The following TRIM36 variants were observed in gnomAD, a reference collection of about 807,000 sequenced individuals.
The protein encoded by TRIM36 is tripartite motif containing 36, also known as E3 ubiquitin-protein ligase TRIM36.
In TRIM36, 42 loss-of-function variants were observed where a neutral mutation model predicts 72.4. The observed-to-expected ratio is 0.58, with a 90% CI of 0.45 to 0.75. TRIM36 has a LOEUF of 0.75. TRIM36 is among the 30% of genes least tolerant of loss of function. The pLI is 0.00. For missense variants in TRIM36, 913 were observed against 857.1 expected, an observed-to-expected ratio of 1.07 and a Z score of -0.81; for synonymous variants, 315 against 282.8, an observed-to-expected ratio of 1.11 and a Z score of -1.14.
intron 1 of TRIM36, among the ~76,000 whole-genome samples, chr5:115,178,363 G>C (rs916949701): frequency 1.3e-5 from 2 of 152,122 alleles, no homozygotes; most frequent in African/African-American, 4.8e-5. Context: ...TTCCCAAATA[G>C]ATGCCCCTGT....
chr5:115,175,327 G>A (rs1222274954), intron 1 of TRIM36, among the ~76,000 whole-genome samples: 1 of 152,140 alleles, frequency 6.6e-6, no homozygotes, highest in Non-Finnish European at 1.5e-5. Context: ...GAGGGCCTAT[G>A]ATGTGTCGAT....
intron 5 of TRIM36, among the ~76,000 whole-genome samples, chr5:115,139,566 G>T (rs1276141132): frequency 6.6e-6 from 1 of 152,146 alleles, no homozygotes; most frequent in Non-Finnish European, 1.5e-5. Flanking sequence ...TAAAAGAGAA[G>T]GAGCAGAAGG....
chr5:115,171,200 T>G, upstream of TRIM36: 1 of 1,614,218 alleles, frequency 6.2e-7, no homozygotes, highest in Non-Finnish European at 8.5e-7. Context: ...TCTGCAGCGG[T>G]AGCCTCGTCT....
Position 115,180,017 on chromosome 5 carries a change from C to T in TRIM36, c.21G>A (p.Met7Ile), listed in dbSNP as rs545594818. 28 of 1,614,144 alleles carry T rather than the reference C, an allele frequency of 1.7e-5. No homozygotes were observed. The South Asian group carries it at 2.6e-4, about 15-fold the overall frequency. Reference sequence around the variant, plus strand: ...ATTCCATGATGTAGCCAAATTCACTCATCTCCCCAGACTCCGACATGTTTA... The same window carrying T: ...ATTCCATGATGTAGCCAAATTCACTTATCTCCCCAGACTCCGACATGTTTA... Residue 7 changes from methionine (M) to isoleucine (I), a missense_variant, in exon 1 of 10, where the codon ATG (methionine) becomes ATA (isoleucine). Met to Ile is a conservative substitution (Grantham distance 10, BLOSUM62 1). Coordinates refer to the TRIM36 transcript ENST00000282369.
intron 3 of TRIM36, among the ~76,000 whole-genome samples, chr5:115,145,363 CAAAT>C (rs1466504914): frequency 5.3e-5 from 8 of 151,990 alleles, no homozygotes; most frequent in Non-Finnish European, 7.4e-5. Context: ...TAAAAGCTAT[CAAAT>C]AACATAAAAT....
chr5:115,129,458 T>C (rs1431542891), intron 9 of TRIM36, among the ~76,000 whole-genome samples: 1 of 152,110 alleles, frequency 6.6e-6, no homozygotes, highest in East Asian at 1.9e-4. Flanking sequence ...TTTGGGAGGC[T>C]GAGGCAGAAG....
At chr5:115,168,212 G>A (rs1754899194) in intron 1 of TRIM36, among the ~76,000 whole-genome samples, 1 of 152,184 alleles carries the variant, frequency 6.6e-6, no homozygotes. Flanking sequence ...CTTTAAAAAG[G>A]TGTATAAGCA....
intron 1 of TRIM36, among the ~76,000 whole-genome samples, chr5:115,178,321 C>A (rs1755439010): frequency 6.6e-6 from 1 of 152,190 alleles, no homozygotes; most frequent in Non-Finnish European, 1.5e-5. Flanking sequence ...CAAAGGCATT[C>A]TTTTTCCTCC....
At chr5:115,180,038 G>A (rs1561455988) in exon 1 of TRIM36, 1 of 1,613,752 alleles carries the variant, frequency 6.2e-7, no homozygotes, top group Non-Finnish European at 8.5e-7. Flanking sequence ...ACTCCGACAT[G>A]TTTACACCCC....
At chr5:115,148,317 A>G (rs1443865635) in intron 2 of TRIM36, 1 of 984,190 alleles carries the variant, frequency 1.0e-6, no homozygotes, top group Admixed American at 6.1e-5. Context: ...TCAAGAAACC[A>G]ATGCATGACA....
intron 1 of TRIM36, chr5:115,177,817 C>T: frequency 6.2e-7 from 1 of 1,614,138 alleles, no homozygotes; most frequent in Non-Finnish European, 8.5e-7. Flanking sequence ...GGCCTCTCCA[C>T]CTTTAGAAGT....
chr5:115,154,352 G>A, intron 2 of TRIM36, among the ~76,000 whole-genome samples: 1 of 149,526 alleles, frequency 6.7e-6, no homozygotes, highest in South Asian at 2.1e-4. Context: ...AGAACTAAAT[G>A]AAATTGAAAC....
At chr5:115,131,126 A>G (rs2112772390) in intron 8 of TRIM36, among the ~76,000 whole-genome samples, 1 of 152,256 alleles carries the variant, frequency 6.6e-6, no homozygotes, top group African/African-American at 2.4e-5. Flanking sequence ...TATTTTAAAT[A>G]TATGTGAAAA....
At chr5:115,165,808 T>C (rs1754740398) in intron 1 of TRIM36, among the ~76,000 whole-genome samples, 2 of 152,198 alleles carry the variant, frequency 1.3e-5, no homozygotes, top group South Asian at 4.1e-4. Flanking sequence ...GATGCCTCTC[T>C]TCCCCCACAT....
intron 8 of TRIM36, among the ~76,000 whole-genome samples, chr5:115,132,996 G>A (rs973441655): frequency 3.3e-5 from 5 of 152,136 alleles, no homozygotes; most frequent in African/African-American, 1.2e-4. Flanking sequence ...GCTACAATGT[G>A]CATGAAAAAC....
chr5:115,132,508 T>C (rs1297184356), intron 8 of TRIM36, among the ~76,000 whole-genome samples: 1 of 145,348 alleles, frequency 6.9e-6, no homozygotes, highest in East Asian at 2.0e-4. Flanking sequence ...GGTGCCACTG[T>C]ACTCCAGCCT....
intron 5 of TRIM36, among the ~76,000 whole-genome samples, chr5:115,138,804 A>G (rs1234676124): frequency 2.6e-5 from 4 of 152,086 alleles, no homozygotes; most frequent in Non-Finnish European, 5.9e-5. Context: ...GCCAACAGAA[A>G]AAAAGTCTTC....
Position 115,125,110 on chromosome 5 carries a change from G to T in TRIM36, c.*1393C>A, listed in dbSNP as rs1183061512. ...TTTAATGCTACCAGCCTGAGTAACAGATTTCCATTAAAAATATAACAACAA... is the reference window on the plus strand; with the variant it reads ...TTTAATGCTACCAGCCTGAGTAACATATTTCCATTAAAAATATAACAACAA... On this transcript the variant is annotated 3_prime_UTR_variant, in exon 10 of 10. Transcript: ENST00000513154. 6.6e-6 allele frequency: 1 copy of T among 152,312 alleles called. No homozygotes were observed. Among genetic ancestry groups the T allele is most frequent in the Non-Finnish European group, 1.5e-5 (1 of 67,928 alleles). 9.4% of individuals were successfully genotyped at this position (152,312 alleles called of 1,614,324 possible).
intron 4 of TRIM36, among the ~76,000 whole-genome samples, 184 bp downstream of exon 4, chr5:115,144,414 G>A (rs998550875): frequency 2.6e-5 from 4 of 152,086 alleles, no homozygotes; most frequent in Non-Finnish European, 5.9e-5. Flanking sequence ...GGCCTTATCA[G>A]TACCACAAAT....
Sources: gnomAD v4.1 joint callset for allele counts (sites outside exome capture counted in the v4.1 genomes callset) on GRCh38, gnomAD v4.1.1 for gene constraint, MANE v1.5 for transcripts, NCBI Gene and HGNC (gene_info 2026-07-23, HGNC 2026-07-21) for gene names.